The following SPAG16 variants were observed in gnomAD, a reference collection of about 807,000 sequenced individuals.
The protein encoded by SPAG16 is sperm associated antigen 16, also known as sperm-associated antigen 16 protein.
SPAG16 carries 86 observed loss-of-function variants against 80.4 expected under a neutral mutation model. That is an observed-to-expected ratio of 1.07 (90% confidence interval 0.90 to 1.28). The LOEUF (loss-of-function observed/expected upper bound fraction) is 1.28. Ranked by LOEUF, SPAG16 falls within the 50% of genes most tolerant of loss-of-function variation. The pLI is 0.00. For missense variants in SPAG16, 870 were observed against 765.3 expected, an observed-to-expected ratio of 1.14 and a Z score of -1.61; for synonymous variants, 294 against 265.9, an observed-to-expected ratio of 1.11 and a Z score of -1.03.
intron 10 of SPAG16, among the ~76,000 whole-genome samples, chr2:213,614,483 G>A (rs1469043974): frequency 6.6e-6 from 1 of 152,122 alleles, no homozygotes; most frequent in Non-Finnish European, 1.5e-5. Flanking sequence ...TTGATGCCTG[G>A]CTTATTGCAG....
chr2:214,276,138 A>T (rs570882740), intron 15 of SPAG16, among the ~76,000 whole-genome samples: 1 of 152,024 alleles, frequency 6.6e-6, no homozygotes, highest in Non-Finnish European at 1.5e-5. Context: ...TTTGCTTTCC[A>T]TTTGCTTGGT....
At chr2:214,153,993 AG>A (rs1461279471) in intron 15 of SPAG16, among the ~76,000 whole-genome samples, 1 of 152,176 alleles carries the variant, frequency 6.6e-6, no homozygotes. Flanking sequence ...GTATTTGTGA[AG>A]GGATAAGTGC....
intron 15 of SPAG16, among the ~76,000 whole-genome samples, chr2:214,227,763 A>G (rs1688378135): frequency 1.4e-5 from 2 of 145,496 alleles, no homozygotes; most frequent in South Asian, 4.4e-4. Context: ...TAAAACTTTA[A>G]TTTTCCTATC....
chr2:213,377,495 C>A (rs1267479180), intron 9 of SPAG16, among the ~76,000 whole-genome samples: 2 of 152,132 alleles, frequency 1.3e-5, no homozygotes, highest in South Asian at 4.1e-4. Flanking sequence ...ATATGTCCAG[C>A]TTTATGTAAC....
intron 15 of SPAG16, among the ~76,000 whole-genome samples, chr2:214,278,346 A>C (rs1459671589): frequency 6.6e-6 from 1 of 152,176 alleles, no homozygotes; most frequent in Non-Finnish European, 1.5e-5. Context: ...AGTCCCAGTG[A>C]GATGAACCAG....
chr2:214,130,295 G>C (rs375204005), intron 14 of SPAG16, among the ~76,000 whole-genome samples: 1 of 152,162 alleles, frequency 6.6e-6, no homozygotes, highest in East Asian at 1.9e-4. Context: ...GGGAGGTTTT[G>C]TGACACTTTT....
intron 15 of SPAG16, among the ~76,000 whole-genome samples, chr2:214,159,124 A>G (rs1483072286): frequency 6.6e-6 from 1 of 151,976 alleles, no homozygotes; most frequent in East Asian, 1.9e-4. Flanking sequence ...TGCAGATATA[A>G]TAAAAATTAC....
chr2:213,784,584 T>A (rs971759958), intron 10 of SPAG16, among the ~76,000 whole-genome samples: 31 of 148,486 alleles, frequency 2.1e-4, no homozygotes, highest in African/African-American at 7.0e-4. Flanking sequence ...AAAGTAAATT[T>A]GTAATAGGAA....
chr2:213,675,722 T>G (rs984284542), intron 10 of SPAG16, among the ~76,000 whole-genome samples: 5 of 152,082 alleles, frequency 3.3e-5, no homozygotes, highest in Non-Finnish European at 7.4e-5. Context: ...TTCTGAGGGC[T>G]CTGTTCTGTT....
chr2:213,920,289 G>A (rs2078154815), intron 11 of SPAG16, among the ~76,000 whole-genome samples: 1 of 152,188 alleles, frequency 6.6e-6, no homozygotes, highest in Non-Finnish European at 1.5e-5. Flanking sequence ...TACATTTAAA[G>A]TTATTGTTGA....
At chr2:213,543,796 G>A (rs181697025) in intron 10 of SPAG16, among the ~76,000 whole-genome samples, 1 of 151,938 alleles carries the variant, frequency 6.6e-6, no homozygotes, top group Admixed American at 6.6e-5. Context: ...TATTCTACCA[G>A]ATACACCTTG....
intron 10 of SPAG16, among the ~76,000 whole-genome samples, chr2:213,752,035 C>G (rs527785532): frequency 3.3e-5 from 5 of 152,250 alleles, no homozygotes; most frequent in African/African-American, 1.2e-4. Flanking sequence ...ATTTATTGGC[C>G]CCACTACTCC....
chr2:213,471,080 G>T (rs925722292), intron 9 of SPAG16, among the ~76,000 whole-genome samples: 1 of 152,180 alleles, frequency 6.6e-6, no homozygotes, highest in Admixed American at 6.5e-5. Context: ...CTTTACCACT[G>T]TCCTTCAGGG....
At chr2:213,792,579 T>TC (rs2070768353) in intron 10 of SPAG16, among the ~76,000 whole-genome samples, 1 of 140,790 alleles carries the variant, frequency 7.1e-6, no homozygotes, top group African/African-American at 2.6e-5. Flanking sequence ...TGAGTATCTT[T>TC]TTTTTTTTTT....
chr2:213,296,115 CAT>C lies in SPAG16; in HGVS notation c.183+6_183+7del, dbSNP rs1450388027. On this transcript the variant is annotated splice_donor_region_variant and intron_variant, in intron 2 of 15. Coordinates refer to ENST00000331683, the MANE Select transcript of SPAG16 (RefSeq NM_024532.5). ...GATGACTATGAATATGAAGAGGTAA[CAT>C]GTTAATTTTAGGTGTTTATTCTGTA... The C allele has an allele frequency of 6.3e-7, 1 of 1,595,090 alleles. No homozygotes were observed. Among genetic ancestry groups the C allele is most frequent in the Non-Finnish European group, 8.6e-7 (1 of 1,164,376 alleles).
chr2:213,447,694 A>G (rs1278191065), intron 9 of SPAG16, among the ~76,000 whole-genome samples: 2 of 152,194 alleles, frequency 1.3e-5, no homozygotes, highest in South Asian at 2.1e-4. Context: ...GACTATTCCT[A>G]TACAGAGTTG....
intron 9 of SPAG16, among the ~76,000 whole-genome samples, chr2:213,390,273 T>C (rs980215773): frequency 2.0e-5 from 3 of 152,096 alleles, no homozygotes; most frequent in Admixed American, 2.0e-4. Context: ...AGAGTTTCAG[T>C]TTTACAATGA....
At chr2:213,779,888 T>G (rs777459370) in intron 10 of SPAG16, among the ~76,000 whole-genome samples, 15 of 152,224 alleles carry the variant, frequency 9.9e-5, no homozygotes, top group South Asian at 2.1e-4. Flanking sequence ...TGGTGTCTAT[T>G]ACATGAAGAA....
chr2:214,005,222 C>T (rs1471839793), intron 12 of SPAG16, among the ~76,000 whole-genome samples: 1 of 152,170 alleles, frequency 6.6e-6, no homozygotes, highest in Non-Finnish European at 1.5e-5. Flanking sequence ...CCCTCCTGCA[C>T]CCATATTCTT....
Sources: allele counts gnomAD v4.1 joint callset (sites outside exome capture counted in the v4.1 genomes callset), GRCh38; gene constraint gnomAD v4.1.1; transcripts MANE v1.5; gene names NCBI Gene and HGNC (gene_info 2026-07-23, HGNC 2026-07-21).